The following POMT1 variants were observed in gnomAD, a reference collection of about 807,000 sequenced individuals.
POMT1 encodes the protein protein O-mannosyl-transferase 1.
A neutral mutation model predicts 101.6 loss-of-function variants in POMT1; 85 were observed. The ratio of observed to expected loss-of-function variants is 0.84; its 90% CI spans 0.70 to 1.00. The LOEUF is 1.00. Among genes scored for constraint, POMT1 ranks in the 50% least tolerant of loss-of-function variants. The pLI is 0.00. For missense variants in POMT1, 857 were observed against 930.4 expected (o/e 0.92, Z 1.03); for synonymous variants, 371 against 383.0 (o/e 0.97, Z 0.37).
In POMT1 at chr9:131,506,132, T is replaced by C. The variant is rs752941420; in HGVS notation, c.141T>C (p.Tyr47=). ...PRAVVFDEVY[Y]GQYISFYMKQ... The stretch of plus-strand genomic sequence containing the variant: ...TTTCTAGTTTTGACGAAGTATATTA[T>C]GGGCAGTACATCTCTTTTTACATGA... The change falls in exon 3 of 20, where the codon TAT becomes TAC. Residue 47 remains tyrosine, a synonymous_variant. Transcript: ENST00000402686. The C allele has an allele frequency of 2.4e-5, 39 of 1,613,874 alleles. No individual in the cohort carries two copies. The highest frequency in any genetic ancestry group is 3.3e-5 in the Non-Finnish European group (39 of 1,179,834).
intron 18 of POMT1, 99 bp downstream of exon 18, chr9:131,521,571 C>A: frequency 7.1e-7 from 1 of 1,399,216 alleles, no homozygotes; most frequent in Non-Finnish European, 1.0e-6. Context: ...CTTAAGCGAT[C>A]CTCCTGCCTC....
At position 131,519,436 on chromosome 9, in the gene POMT1, G is replaced by T; in HGVS notation, c.1534G>T (p.Val512Leu). Residue 512 changes from valine (V) to leucine (L), a missense_variant, in exon 16 of 20, where the codon GTG becomes TTG. Physicochemically the swap from Val to Leu is conservative, Grantham distance 32 (BLOSUM62 1). Transcript: ENST00000402686. This position sits in a 1 kb window ranked among gnomAD's most constrained non-coding sequence, Gnocchi z 4.3. ...RERELHSPAQ[V>L]DVSRNLSFMA... ...ACGGGAGCTGCACTCACCTGCGCAG[G>T]TGGACGTCAGCAGGAACCTCAGCTT... The T allele has an allele frequency of 6.4e-7, 1 of 1,551,784 alleles. No homozygotes were observed. Among genetic ancestry groups the T allele is most frequent in the Admixed American group, 2.0e-5 (1 of 51,020 alleles).
intron 13 of POMT1, among the ~76,000 whole-genome samples, chr9:131,515,770 A>AGGACAC (rs1564366664): frequency 7.9e-5 from 2 of 25,326 alleles, no homozygotes; most frequent in African/African-American, 1.5e-4. Context: ...TTCCTCTAAC[A>AGGACAC]TGGAGCACTT....
In POMT1 at chr9:131,519,306, C is replaced by G. The variant is rs1466765619; in HGVS notation, c.1487-83C>G. 1.4e-6 allele frequency: 2 copies of G among 1,382,324 alleles called. No homozygotes were observed. The highest frequency in any genetic ancestry group is 1.0e-6 in the Non-Finnish European group (1 of 998,402). The allele number at this position is 1,382,324 out of a possible 1,614,324, so 85.6% of individuals were successfully genotyped here. On this transcript the variant is annotated intron_variant, in intron 15 of 19. Transcript: ENST00000402686. This position sits in a 1 kb window ranked among gnomAD's most constrained non-coding sequence, Gnocchi z 4.3. The stretch of plus-strand genomic sequence containing the variant: ...CTTTGTTAGAAAGGCAGGAAGCCAG[C>G]TTTTTGCTGCACTGACAGCTTCTGC...
chr9:131,515,294 G>T, intron 12 of POMT1, 132 bp from the exon 13 acceptor site: 1 of 876,716 alleles, frequency 1.1e-6, no homozygotes. Context: ...AGCAACTCAT[G>T]GGACTGGGCC....
chr9:131,509,686 C>A, intron 6 of POMT1, 57 bp from the exon 7 acceptor site: 1 of 1,613,944 alleles, frequency 6.2e-7, no homozygotes, highest in Non-Finnish European at 8.5e-7. Flanking sequence ...GCTTCACTAG[C>A]CTTTTGGAAA....
chr9:131,513,256 G>A lies in POMT1; in HGVS notation c.1100G>A (p.Ser367Asn). The part of the protein sequence containing the change: ...KDPRRHQLVV[S>N]SPPRPVRHGD... ...TCTTCCAGGCACCAGCTGGTGGTGA[G>A]CAGCCCTCCGAGACCTGTGAGGCAC... Residue 367 changes from serine to asparagine, a missense_variant, in exon 12 of 20, where the codon AGC becomes AAC. Ser to Asn is a conservative substitution (Grantham distance 46, BLOSUM62 1). Transcript: ENST00000402686. 3.7e-6 allele frequency: 6 copies of A among 1,613,058 alleles called. No individual in the cohort carries two copies. Among genetic ancestry groups the A allele is most frequent in the Non-Finnish European group, 5.1e-6 (6 of 1,179,998 alleles).
chr9:131,515,827 AGGACACTTCCTCACACG>A (rs1215552988), intron 13 of POMT1, among the ~76,000 whole-genome samples: 1 of 123,476 alleles, frequency 8.1e-6, no homozygotes, highest in Non-Finnish European at 1.8e-5. Context: ...CCTCTAACAC[AGGACACTTCCTCACACG>A]GAGCACTTCC....
In POMT1 at chr9:131,522,959, C is replaced by T. The variant is rs778418119; in HGVS notation, c.2031C>T (p.Ser677=). The T allele has an allele frequency of 4.1e-5, 65 of 1,598,092 alleles. No homozygotes were observed. Among genetic ancestry groups the T allele is most frequent in the Admixed American group, 1.5e-4 (9 of 58,366 alleles). ...CCCAGCTCCAGAGGAGCATCTTCAG[C>T]GCCCTGGTGGTGGCCTGGTACTCCT... ...CRSQLQRSIF[S]ALVVAWYSSA... The change falls in exon 20 of 20, where the codon AGC becomes AGT. Residue 677 remains serine (S), a synonymous_variant. Coordinates refer to ENST00000402686, the MANE Select transcript of POMT1 (RefSeq NM_001077365.2). The surrounding 1 kb of genome is among the most constrained non-coding windows in gnomAD (Gnocchi z 5.5).
At chr9:131,506,912 C>T (rs933319034) in intron 4 of POMT1, 3 of 243,102 alleles carry the variant, frequency 1.2e-5, no homozygotes, top group African/African-American at 4.6e-5. Context: ...ACTAAAAATA[C>T]AAAAATTAGC....
In POMT1 at chr9:131,509,026, T is replaced by G; in HGVS notation, c.539+4T>G. 6.3e-7 allele frequency: 1 copy of G among 1,587,490 alleles called. No individual in the cohort carries two copies. The highest frequency in any genetic ancestry group is 8.7e-7 in the Non-Finnish European group (1 of 1,155,920). The stretch of plus-strand genomic sequence containing the variant: ...TCTTCAACTGCCAAAAGCACAGGTA[T>G]GGAAAATGGAGTGTCTTCCTAGTTA... On this transcript the variant is annotated splice_donor_region_variant and intron_variant, in intron 6 of 19. Transcript: ENST00000402686.
chr9:131,515,794 A>ACACTTCCTCACACGGAG (rs1564366975), intron 13 of POMT1, among the ~76,000 whole-genome samples: 1 of 123,814 alleles, frequency 8.1e-6, no homozygotes, highest in African/African-American at 2.9e-5. Flanking sequence ...GTAACACAGG[A>ACACTTCCTCACACGGAG]CACTTCCTCA....
Position 131,521,473 on chromosome 9 carries a change from G to A in POMT1, c.1825+1G>A. On this transcript the variant is annotated splice_donor_variant, in intron 18 of 19. Transcript: ENST00000402686. LOFTEE classifies it high-confidence loss of function. Reference sequence around the variant, plus strand: ...AGAAATGTCCATGACCTCCCTCAGGGTTAGTACCTCTCCCACATGGCTTTC... The same window carrying A: ...AGAAATGTCCATGACCTCCCTCAGGATTAGTACCTCTCCCACATGGCTTTC... The A allele has an allele frequency of 1.2e-6, 2 of 1,613,856 alleles. No individual in the cohort carries two copies. Among genetic ancestry groups the A allele is most frequent in the Non-Finnish European group, 1.7e-6 (2 of 1,179,890 alleles).
rs1949526534 is a variant in POMT1, at chr9:131,519,696, T to C, written c.1584+210T>C. ...CTTGTGGCCCTGTGGTCAGGAATAA[T>C]AGGGACCCAGGAGGTTCTGCAACAT... is the stretch of plus-strand genomic sequence containing the variant. On this transcript the variant is annotated intron_variant, in intron 16 of 19. Coordinates refer to ENST00000402686, the MANE Select transcript of POMT1 (RefSeq NM_001077365.2). This position sits in a 1 kb window ranked among gnomAD's most constrained non-coding sequence, Gnocchi z 4.3. 6.6e-6 allele frequency among the ~76,000 whole-genome samples: 1 copy of C among 152,072 alleles called. No individual in the cohort carries two copies. The highest frequency in any genetic ancestry group is 1.5e-5 in the Non-Finnish European group (1 of 67,992).
At chr9:131,514,199 C>T (rs898678551) in intron 12 of POMT1, among the ~76,000 whole-genome samples, 5 of 152,174 alleles carry the variant, frequency 3.3e-5, no homozygotes, top group Admixed American at 6.5e-5. Flanking sequence ...CTCTCTACCT[C>T]GCAGCAGCCT....
In POMT1 at chr9:131,503,496, C is replaced by T. The variant is rs528859450; in HGVS notation, c.-31+423C>T. Among the ~76,000 whole-genome samples, 2 of 152,256 alleles carry T rather than the reference C, an allele frequency of 1.3e-5. No homozygotes were observed. Among genetic ancestry groups the T allele is most frequent in the South Asian group, 2.1e-4 (1 of 4,826 alleles). On this transcript the variant is annotated intron_variant, in intron 1 of 19. Coordinates refer to ENST00000402686, the MANE Select transcript of POMT1 (RefSeq NM_001077365.2). This position sits in a 1 kb window ranked among gnomAD's most constrained non-coding sequence, Gnocchi z 4.4. ...CAGATGCAGCTCAGGGAGGGAAGGG[C>T]GCGTCCAGGGTAGATGGGGCCTGAG...
Position 131,510,035 on chromosome 9 carries a change from T to C in POMT1, c.699+39T>C. The C allele has an allele frequency of 8.1e-6, 13 of 1,614,092 alleles. No individual in the cohort carries two copies. The highest frequency in any genetic ancestry group is 1.1e-5 in the Non-Finnish European group (13 of 1,179,956). ...TCCAGTGCTGCATGAGGCCGGCCTGTATGGGGCAGATGCAGATGTCACAGG... is the reference window on the plus strand; with the variant it reads ...TCCAGTGCTGCATGAGGCCGGCCTGCATGGGGCAGATGCAGATGTCACAGG... On this transcript the variant is annotated intron_variant, in intron 8 of 19. Transcript: ENST00000402686.
Position 131,519,366 on chromosome 9 carries a change from T to C in POMT1, c.1487-23T>C, listed in dbSNP as rs768151141. The C allele has an allele frequency of 1.9e-6, 3 of 1,549,740 alleles. No individual in the cohort carries two copies. In the South Asian group the frequency reaches 3.6e-5, roughly 18 times the overall value. On this transcript the variant is annotated intron_variant, in intron 15 of 19. Coordinates refer to ENST00000402686, the MANE Select transcript of POMT1 (RefSeq NM_001077365.2). This position sits in a 1 kb window ranked among gnomAD's most constrained non-coding sequence, Gnocchi z 4.3. ...TTGACCTTGTGCTACTTCTATCTGT[T>C]ATGCCCTTGTCTGTTCTGCCAGGCC...
In POMT1 at chr9:131,519,008, T is replaced by G. The variant is rs1178301718; in HGVS notation, c.1486+51T>G. On this transcript the variant is annotated intron_variant, in intron 15 of 19. Transcript: ENST00000402686. This position sits in a 1 kb window ranked among gnomAD's most constrained non-coding sequence, Gnocchi z 4.3. ...GCTCCTGGAATGTACTTTCAGCTGC[T>G]CAATATTTGATAACACCCCAGAGTT... is the stretch of plus-strand genomic sequence containing the variant. 6.8e-6 allele frequency: 11 copies of G among 1,610,276 alleles called. No individual in the cohort carries two copies. Among genetic ancestry groups the G allele is most frequent in the African/African-American group, 5.3e-5 (4 of 74,868 alleles).
Sources: gnomAD v4.1 joint callset for allele counts (sites outside exome capture counted in the v4.1 genomes callset) on GRCh38, gnomAD v4.1.1 for gene constraint, Gnocchi (gnomAD v3.1) non-coding constraint, MANE v1.5 for transcripts, NCBI Gene and HGNC (gene_info 2026-07-23, HGNC 2026-07-21) for gene names.